The following SNX29 variants were observed in gnomAD, a reference collection of about 807,000 sequenced individuals.
SNX29 encodes sorting nexin-29.
A neutral mutation model predicts 102.1 loss-of-function variants in SNX29; 78 were observed. The observed-to-expected ratio is 0.76, with a 90% CI of 0.64 to 0.92. The LOEUF is 0.92. Among genes scored for constraint, SNX29 ranks in the 40% least tolerant of loss-of-function variants. The probability of loss-of-function intolerance (pLI) is 0.00; values close to 1 mark genes in which losing one functional copy is unlikely to be tolerated. For synonymous variants in SNX29, 580 were observed against 414.5 expected (o/e 1.40, Z -4.85); for missense variants, 1,280 against 1,061.7 (o/e 1.21, Z -2.86).
At chr16:12,111,025 T>C (rs1396623637) in intron 11 of SNX29, among the ~76,000 whole-genome samples, 1 of 152,110 alleles carries the variant, frequency 6.6e-6, no homozygotes, top group Non-Finnish European at 1.5e-5. Flanking sequence ...GTGAGCTATG[T>C]TGCCTCAAAC....
At chr16:12,539,412 G>T (rs184517289) in intron 20 of SNX29, among the ~76,000 whole-genome samples, 18 of 152,264 alleles carry the variant, frequency 1.2e-4, no homozygotes, top group South Asian at 2.1e-4. Flanking sequence ...CCGTCAAGTC[G>T]TTGGGTGAGT....
chr16:12,148,160 T>C (rs2055146288), intron 13 of SNX29, among the ~76,000 whole-genome samples: 1 of 152,194 alleles, frequency 6.6e-6, no homozygotes, highest in South Asian at 2.1e-4. Flanking sequence ...GCATTCTTAC[T>C]TGGAAGCTCT....
chr16:12,128,980 T>G (rs2054338481), intron 12 of SNX29, among the ~76,000 whole-genome samples: 2 of 152,334 alleles, frequency 1.3e-5, no homozygotes, highest in Middle Eastern at 6.8e-3. Flanking sequence ...AGGTGAATCC[T>G]GTGCTGGCTG....
At chr16:12,472,547 A>G (rs558788692) in intron 18 of SNX29, among the ~76,000 whole-genome samples, 1 of 151,360 alleles carries the variant, frequency 6.6e-6, no homozygotes, top group Middle Eastern at 3.2e-3. Flanking sequence ...AAAAAAACAA[A>G]AAAAAAAAGA....
At chr16:12,143,260 G>T (rs1352218626) in intron 13 of SNX29, among the ~76,000 whole-genome samples, 1 of 152,082 alleles carries the variant, frequency 6.6e-6, no homozygotes, top group Non-Finnish European at 1.5e-5. Context: ...GCCTCCCAAA[G>T]TGCTGGGATT....
intron 14 of SNX29, among the ~76,000 whole-genome samples, chr16:12,269,603 T>C (rs1596697820): frequency 6.6e-6 from 1 of 152,166 alleles, no homozygotes; most frequent in South Asian, 2.1e-4. Context: ...GTACTTTTCA[T>C]GCGGTCCTTG....
At chr16:12,057,949 C>T (rs1040861276) in intron 8 of SNX29, among the ~76,000 whole-genome samples, 16 of 151,802 alleles carry the variant, frequency 1.1e-4, no homozygotes, top group African/African-American at 3.6e-4. Flanking sequence ...TCCCAAGTAG[C>T]TGGGATTATA....
At chr16:11,999,052 G>C (rs1307792107) in intron 1 of SNX29, among the ~76,000 whole-genome samples, 3 of 152,194 alleles carry the variant, frequency 2.0e-5, no homozygotes, top group African/African-American at 7.2e-5. Flanking sequence ...TACAATGTCA[G>C]TAGTGCCAAG....
intron 13 of SNX29, among the ~76,000 whole-genome samples, chr16:12,180,928 C>T (rs1237369671): frequency 6.6e-6 from 1 of 152,162 alleles, no homozygotes; most frequent in East Asian, 1.9e-4. Context: ...CTCTTATCCC[C>T]CATTTCATCT....
At chr16:12,116,071 A>G (rs963179101) in intron 11 of SNX29, among the ~76,000 whole-genome samples, 4 of 152,196 alleles carry the variant, frequency 2.6e-5, no homozygotes, top group Non-Finnish European at 5.9e-5. Context: ...TGCCATACTA[A>G]TTTCCAAACT....
intron 1 of SNX29, among the ~76,000 whole-genome samples, chr16:11,992,570 A>G (rs985584687): frequency 6.6e-6 from 1 of 151,122 alleles, no homozygotes; most frequent in African/African-American, 2.4e-5. Context: ...AGCACGGCTC[A>G]GGTTCCCAAT....
chr16:12,465,525 G>A (rs1027276941), intron 18 of SNX29, among the ~76,000 whole-genome samples: 2 of 152,122 alleles, frequency 1.3e-5, no homozygotes, highest in African/African-American at 4.8e-5. Flanking sequence ...GACCATATAT[G>A]TGTGGATTTA....
chr16:12,013,524 T>A lies in SNX29; in HGVS notation c.122+10481T>A, dbSNP rs1280672265. Among the ~76,000 whole-genome samples, 797 of 111,148 alleles carry A rather than the reference T, an allele frequency of 7.2e-3. 61 individuals are homozygous for A. Among genetic ancestry groups the A allele is most frequent in the African/African-American group, 0.013 (403 of 30,040 alleles). The allele number at this position is 111,148 out of a possible 152,430, so 72.9% of individuals were successfully genotyped here. A position where few individuals can be genotyped will look rare whatever the true frequency, so the allele number is the denominator to read the frequency against. On this transcript the variant is annotated intron_variant, in intron 3 of 20. Transcript: ENST00000566228. ...AAATATATATATATATATATATATA[T>A]ATATATATATATATATATCGAGAGA...
chr16:12,558,279 C>G (rs922933202), intron 20 of SNX29, among the ~76,000 whole-genome samples: 1 of 152,112 alleles, frequency 6.6e-6, no homozygotes, highest in African/African-American at 2.4e-5. Context: ...TCAGGCTGAG[C>G]CAGCTCTGAA....
intron 19 of SNX29, among the ~76,000 whole-genome samples, chr16:12,523,930 G>T (rs938282043): frequency 6.6e-6 from 1 of 151,992 alleles, no homozygotes; most frequent in Non-Finnish European, 1.5e-5. Context: ...CTTGTTGCCC[G>T]GGCTGGAGTG....
chr16:12,238,192 C>G (rs878913595), intron 14 of SNX29, among the ~76,000 whole-genome samples: 1 of 151,560 alleles, frequency 6.6e-6, no homozygotes, highest in African/African-American at 2.4e-5. Flanking sequence ...AGATTTATAA[C>G]TGTAACAGTT....
chr16:11,989,764 A>T (rs972144387), intron 1 of SNX29, among the ~76,000 whole-genome samples: 5 of 152,222 alleles, frequency 3.3e-5, no homozygotes, highest in African/African-American at 1.2e-4. Context: ...GATGGGGATT[A>T]CATCAGCGCT....
chr16:12,065,003 G>A (rs1172017933), intron 9 of SNX29, among the ~76,000 whole-genome samples: 2 of 152,230 alleles, frequency 1.3e-5, no homozygotes, highest in African/African-American at 4.8e-5. Flanking sequence ...AGTGGGGATA[G>A]TTAGAGAAGG....
Position 12,234,466 on chromosome 16 carries a change from C to T in SNX29, c.1678+34783C>T, listed in dbSNP as rs140097350. ...CTTTGTGTATTGTGGATACTAGACC[C>T]GTATCAGAGATACGTGATTTGCATA... On this transcript the variant is annotated intron_variant, in intron 14 of 20. Coordinates refer to ENST00000566228, the MANE Select transcript of SNX29 (RefSeq NM_032167.5). 2.4e-3 allele frequency among the ~76,000 whole-genome samples: 366 copies of T among 151,730 alleles called. 2 individuals are homozygous for T. The Middle Eastern group carries it at 0.027, about 11-fold the overall frequency.
Sources: gnomAD v4.1 joint callset for allele counts (sites outside exome capture counted in the v4.1 genomes callset) on GRCh38, gnomAD v4.1.1 for gene constraint, MANE v1.5 for transcripts, NCBI Gene and HGNC (gene_info 2026-07-23, HGNC 2026-07-21) for gene names.